Variants in TBC1D22A observed in about 807,000 individuals in gnomAD.
TBC1D22A encodes the protein putative GTPase activator.
In TBC1D22A, 38 loss-of-function variants were observed where a neutral mutation model predicts 60.2. That is an observed-to-expected ratio of 0.63 (90% CI 0.49 to 0.83). The LOEUF is 0.83. TBC1D22A is among the 40% of genes least tolerant of loss of function. The pLI is 0.00. For synonymous variants in TBC1D22A, 302 were observed against 281.7 expected (o/e 1.07, Z -0.72); for missense variants, 628 against 701.0 (o/e 0.90, Z 1.18).
In TBC1D22A at chr22:46,896,783, A is replaced by G. The variant is rs112249000; in HGVS notation, c.900+1937A>G. Among the ~76,000 whole-genome samples, 1,053 of 151,784 alleles carry G rather than the reference A, an allele frequency of 6.9e-3. 10 individuals carry two copies. Among genetic ancestry groups the G allele is most frequent in the African/African-American group, 0.024 (1,012 of 41,338 alleles). ...CACACCGCCCACTGGTTTCCTCTTC[A>G]CCGTGGACTGGCCAGTCCCACCCCT... On this transcript the variant is annotated intron_variant, in intron 7 of 12. Transcript: ENST00000337137.
At chr22:46,769,206 T>G (rs922444138) in intron 1 of TBC1D22A, among the ~76,000 whole-genome samples, 1 of 151,650 alleles carries the variant, frequency 6.6e-6, no homozygotes, top group African/African-American at 2.4e-5. Flanking sequence ...GGGTTCTTAG[T>G]GATGTGGCTC....
chr22:46,930,373 TA>T (rs1378099877), intron 8 of TBC1D22A, among the ~76,000 whole-genome samples: 1 of 152,202 alleles, frequency 6.6e-6, no homozygotes, highest in African/African-American at 2.4e-5. Flanking sequence ...GAGTCAAAAT[TA>T]CCCTCATAGT....
intron 4 of TBC1D22A, among the ~76,000 whole-genome samples, chr22:46,863,177 G>C (rs922354924): frequency 1.3e-5 from 2 of 152,190 alleles, no homozygotes. Flanking sequence ...CGTCCTCCCA[G>C]GGCCTTGAGT....
chr22:47,018,622 G>A (rs938106869), intron 10 of TBC1D22A, among the ~76,000 whole-genome samples: 4 of 152,216 alleles, frequency 2.6e-5, no homozygotes, highest in South Asian at 2.1e-4. Context: ...GGGCCACGTC[G>A]CTGAGCACCA....
chr22:47,104,320 G>T (rs1303335177), intron 11 of TBC1D22A, among the ~76,000 whole-genome samples: 2 of 149,606 alleles, frequency 1.3e-5, no homozygotes, highest in East Asian at 4.0e-4. Flanking sequence ...AAACAAAAAA[G>T]AATCTCTATT....
intron 4 of TBC1D22A, among the ~76,000 whole-genome samples, chr22:46,818,959 A>G (rs368426877): frequency 2.0e-5 from 3 of 152,158 alleles, no homozygotes; most frequent in African/African-American, 7.2e-5. Flanking sequence ...ATCCCTTGTT[A>G]GCTGTATTCC....
At chr22:46,988,079 GAA>G (rs136128) in intron 9 of TBC1D22A, among the ~76,000 whole-genome samples, 1 of 145,498 alleles carries the variant, frequency 6.9e-6, no homozygotes, top group African/African-American at 2.5e-5. Flanking sequence ...GAAAAGAAAA[GAA>G]AAAAAAAAAG....
intron 5 of TBC1D22A, among the ~76,000 whole-genome samples, chr22:46,879,752 TA>T (rs1200331108): frequency 6.6e-6 from 1 of 152,216 alleles, no homozygotes; most frequent in Non-Finnish European, 1.5e-5. Flanking sequence ...TGTAGGAAGT[TA>T]TGATGAAAAC....
At chr22:46,770,535 C>T (rs894985737) in intron 1 of TBC1D22A, among the ~76,000 whole-genome samples, 21 of 152,236 alleles carry the variant, frequency 1.4e-4, no homozygotes, top group African/African-American at 4.8e-4. Flanking sequence ...TGGCCCAGCA[C>T]CTCCCTCAGC....
intron 8 of TBC1D22A, among the ~76,000 whole-genome samples, chr22:46,934,197 A>G (rs2071514413): frequency 6.6e-6 from 1 of 152,234 alleles, no homozygotes; most frequent in African/African-American, 2.4e-5. Context: ...TTCTCTTTGC[A>G]GATAACTAAG....
At chr22:46,937,509 T>A (rs549619611) in intron 8 of TBC1D22A, among the ~76,000 whole-genome samples, 213 of 152,338 alleles carry the variant, frequency 1.4e-3, no homozygotes, top group African/African-American at 4.9e-3. Flanking sequence ...TACTTGATCA[T>A]GATAGTAAAT....
intron 12 of TBC1D22A, among the ~76,000 whole-genome samples, chr22:47,148,738 G>A (rs1009183246): frequency 2.0e-5 from 3 of 149,166 alleles, no homozygotes; most frequent in African/African-American, 7.5e-5. Flanking sequence ...CCTCTCCTGG[G>A]GTCCCTCCCT....
At chr22:47,057,453 C>T (rs571376407) in intron 11 of TBC1D22A, among the ~76,000 whole-genome samples, 213 of 152,292 alleles carry the variant, frequency 1.4e-3, no homozygotes, top group African/African-American at 4.9e-3. Flanking sequence ...TTCCGGGAGC[C>T]GTGGGCACAT....
intron 11 of TBC1D22A, among the ~76,000 whole-genome samples, chr22:47,046,908 G>A (rs924392155): frequency 2.6e-5 from 4 of 152,230 alleles, no homozygotes; most frequent in African/African-American, 4.8e-5. Flanking sequence ...CCCCAGGAGT[G>A]TAAGAAAGGC....
intron 1 of TBC1D22A, among the ~76,000 whole-genome samples, chr22:46,765,686 C>T (rs999837512): frequency 1.1e-4 from 16 of 151,904 alleles, no homozygotes; most frequent in Admixed American, 7.2e-4. Flanking sequence ...AGGCTAGTCT[C>T]GAACTCCTGA....
chr22:46,874,562 CTTTTTTTTTTTTT>C lies in TBC1D22A; in HGVS notation c.638-4073_638-4061del, dbSNP rs747481407. ...TATGTTTGTTTGGCTACAGGTATGT[CTTTTTTTTTTTTT>C]TTTTTTTTTTTTTTTTTGAGACAAA... is the stretch of plus-strand genomic sequence containing the variant. On this transcript the variant is annotated intron_variant, in intron 4 of 12. Transcript: ENST00000337137. Among the ~76,000 whole-genome samples the C allele has an allele frequency of 7.1e-4, 29 of 40,786 alleles. 2 individuals are homozygous for C. Among genetic ancestry groups the C allele is most frequent in the South Asian group, 4.6e-3 (3 of 646 alleles). The allele number at this position is 40,786 out of a possible 152,430, so 26.8% of individuals were successfully genotyped here.
chr22:46,834,412 G>T (rs926514352), intron 4 of TBC1D22A, among the ~76,000 whole-genome samples: 1 of 152,126 alleles, frequency 6.6e-6, no homozygotes, highest in Non-Finnish European at 1.5e-5. Flanking sequence ...ACTGAAGAGG[G>T]TAAGAAGAAG....
At chr22:47,059,157 C>T (rs1293851103) in intron 11 of TBC1D22A, among the ~76,000 whole-genome samples, 2 of 152,268 alleles carry the variant, frequency 1.3e-5, no homozygotes, top group African/African-American at 2.4e-5. Flanking sequence ...CAAAGCCATC[C>T]AGCTGGTAAG....
intron 11 of TBC1D22A, among the ~76,000 whole-genome samples, chr22:47,073,103 A>G (rs546257666): frequency 3.3e-5 from 5 of 152,352 alleles, no homozygotes; most frequent in African/African-American, 1.2e-4. Flanking sequence ...CATAAAAATG[A>G]TGGATAACAA....
Sources: gnomAD v4.1 joint callset for allele counts (sites outside exome capture counted in the v4.1 genomes callset) on GRCh38, gnomAD v4.1.1 for gene constraint, MANE v1.5 for transcripts, NCBI Gene and HGNC (gene_info 2026-07-23, HGNC 2026-07-21) for gene names.